The following PVT1 variants were observed in gnomAD, a reference collection of about 807,000 sequenced individuals.
PVT1 encodes Pvt1 oncogene.
intron 4 of PVT1, among the ~76,000 whole-genome samples, chr8:128,054,188 C>T (rs1813736909): frequency 1.3e-5 from 2 of 152,132 alleles, no homozygotes; most frequent in South Asian, 4.1e-4. Context: ...AAGAGAAGAG[C>T]CTGAGTTTTG....
chr8:128,057,369 C>T (rs1028677268), intron 4 of PVT1, among the ~76,000 whole-genome samples: 5 of 152,144 alleles, frequency 3.3e-5, no homozygotes, highest in African/African-American at 1.2e-4. Context: ...CGGAAAAACC[C>T]CTTTCTCTTT....
chr8:127,990,803 A>G (rs1407973273), intron 4 of PVT1, among the ~76,000 whole-genome samples: 1 of 152,212 alleles, frequency 6.6e-6, no homozygotes, highest in African/African-American at 2.4e-5. Context: ...CCTTCAGTCA[A>G]GGTGGGGATA....
chr8:128,048,317 C>T (rs191051749), intron 4 of PVT1: 1 of 152,360 alleles, frequency 6.6e-6, no homozygotes, highest in East Asian at 1.9e-4. Flanking sequence ...CTTCTACCTG[C>T]TACTCCTTGA....
intron 2 of PVT1, among the ~76,000 whole-genome samples, chr8:127,861,974 A>G (rs781235494): frequency 6.6e-6 from 1 of 152,162 alleles, no homozygotes; most frequent in Non-Finnish European, 1.5e-5. Context: ...CAGGAATTTA[A>G]TAGGGTCTTG....
At chr8:127,911,726 C>T (rs527421537) in intron 3 of PVT1, among the ~76,000 whole-genome samples, 6 of 152,322 alleles carry the variant, frequency 3.9e-5, no homozygotes, top group South Asian at 2.1e-4. Flanking sequence ...TAATAGCATG[C>T]GTGCCCCCTC....
rs772240423 is a variant in PVT1, at chr8:128,050,635, C to T, written n.913-19525C>T. On this transcript the variant is annotated intron_variant and non_coding_transcript_variant, in intron 4 of 10. Coordinates refer to ENST00000651587, the Ensembl canonical transcript of PVT1. The stretch of plus-strand genomic sequence containing the variant: ...TGCTGGGTTCAGACCTCAGCTCCAA[C>T]AGTTGCTGGCTCTGTGACCCTAGGA... Among the ~76,000 whole-genome samples, 5 of 152,312 alleles carry T rather than the reference C, an allele frequency of 3.3e-5. No individual in the cohort carries two copies. In the East Asian group the frequency reaches 5.8e-4, roughly 18 times the overall value.
chr8:127,914,543 G>A lies in PVT1; in HGVS notation n.782+23545G>A, dbSNP rs115477683. Among the ~76,000 whole-genome samples the A allele has an allele frequency of 3.5e-3, 528 of 152,172 alleles. 3 individuals carry two copies. Among genetic ancestry groups the A allele is most frequent in the African/African-American group, 0.012 (502 of 41,526 alleles). The stretch of plus-strand genomic sequence containing the variant: ...CACTACTCACAACAGCCAGAAGGTG[G>A]GAACAACCCAGATGTCCAATGTCTG... On this transcript the variant is annotated intron_variant and non_coding_transcript_variant, in intron 3 of 10. Transcript: ENST00000651587.
chr8:127,865,021 G>T (rs1407987890), intron 2 of PVT1, among the ~76,000 whole-genome samples: 2 of 152,186 alleles, frequency 1.3e-5, no homozygotes, highest in Non-Finnish European at 2.9e-5. Context: ...TTCATATGGG[G>T]CTGTAGACGG....
At chr8:127,812,673 G>GCAA (rs1814612023) in intron 2 of PVT1, among the ~76,000 whole-genome samples, 1 of 150,914 alleles carries the variant, frequency 6.6e-6, no homozygotes, top group Non-Finnish European at 1.5e-5. Flanking sequence ...GGGAGGGAAG[G>GCAA]GAGGAAGGTA....
intron 2 of PVT1, among the ~76,000 whole-genome samples, chr8:127,845,795 A>G (rs6999258): frequency 0.044 from 6,652 of 152,280 alleles, 524 homozygotes; most frequent in African/African-American, 0.15. Context: ...CTGTTTTCCC[A>G]TCCACAGCCT....
intron 2 of PVT1, among the ~76,000 whole-genome samples, chr8:127,804,649 T>G (rs1457453576): frequency 6.6e-6 from 1 of 151,434 alleles, no homozygotes; most frequent in Non-Finnish European, 1.5e-5. Context: ...CAAGCGATTC[T>G]TCTGCCTTGG....
intron 2 of PVT1, among the ~76,000 whole-genome samples, chr8:127,839,123 C>T (rs2129711930): frequency 6.6e-6 from 1 of 152,278 alleles, no homozygotes; most frequent in South Asian, 2.1e-4. Context: ...ACGAAATTGC[C>T]TAACGCCGCA....
At chr8:128,076,331 G>T (rs1233101692) in intron 5 of PVT1, among the ~76,000 whole-genome samples, 1 of 152,132 alleles carries the variant, frequency 6.6e-6, no homozygotes, top group East Asian at 1.9e-4. Context: ...TTCACTATAT[G>T]TTGGGGTGGG....
At chr8:128,024,321 C>G (rs920853484) in intron 4 of PVT1, among the ~76,000 whole-genome samples, 6 of 152,096 alleles carry the variant, frequency 3.9e-5, no homozygotes, top group African/African-American at 1.2e-4. Flanking sequence ...ATAAAAGTTG[C>G]TTGTGGAGGG....
intron 5 of PVT1, among the ~76,000 whole-genome samples, chr8:128,087,258 T>G (rs1814270169): frequency 6.6e-6 from 1 of 152,306 alleles, no homozygotes; most frequent in East Asian, 1.9e-4. Context: ...CTTCCCTCGA[T>G]GGAATCCCAG....
chr8:127,975,603 G>A (rs180895790), intron 3 of PVT1, among the ~76,000 whole-genome samples: 2 of 152,308 alleles, frequency 1.3e-5, no homozygotes, highest in Admixed American at 1.3e-4. Context: ...CCCTGAGTTT[G>A]AAGGCTGAGA....
chr8:127,969,730 A>G (rs1233115975), intron 3 of PVT1, among the ~76,000 whole-genome samples: 2 of 152,146 alleles, frequency 1.3e-5, no homozygotes, highest in Non-Finnish European at 1.5e-5. Flanking sequence ...TGCTGAGTGG[A>G]TGAATATAGC....
chr8:127,978,822 G>A (rs111584241), intron 3 of PVT1, among the ~76,000 whole-genome samples: 1 of 152,108 alleles, frequency 6.6e-6, no homozygotes, highest in African/African-American at 2.4e-5. Flanking sequence ...ACAAGGTTTT[G>A]CTTTGTTGCC....
intron 3 of PVT1, among the ~76,000 whole-genome samples, chr8:127,979,073 C>G (rs925529866): frequency 6.6e-6 from 1 of 152,200 alleles, no homozygotes; most frequent in Non-Finnish European, 1.5e-5. Context: ...TTAACCTGTA[C>G]CAAATAATCA....
Sources: gnomAD v4.1 joint callset for allele counts (sites outside exome capture counted in the v4.1 genomes callset) on GRCh38, gnomAD v4.1.1 for gene constraint, MANE v1.5 for transcripts, NCBI Gene and HGNC (gene_info 2026-07-23, HGNC 2026-07-21) for gene names.